Variants in ERICH6 observed in about 807,000 individuals in gnomAD.
The protein encoded by ERICH6 is glutamate rich 6.
ERICH6 carries 71 observed loss-of-function variants against 71.0 expected under a neutral mutation model. The observed-to-expected ratio is 1.00, with a 90% CI of 0.83 to 1.22. The LOEUF is 1.22. Ranked by LOEUF, ERICH6 falls within the 50% of genes most tolerant of loss-of-function variation. ERICH6 has a pLI of 0.00. For missense variants in ERICH6, 808 were observed against 797.2 expected (o/e 1.01, Z -0.16); for synonymous variants, 262 against 278.4 (o/e 0.94, Z 0.59).
At chr3:150,678,343 C>G in intron 10 of ERICH6, 66 bp downstream of exon 10, 1 of 1,464,750 alleles carries the variant, frequency 6.8e-7, no homozygotes, top group African/African-American at 1.4e-5. Context: ...TCATGAAAGA[C>G]TTTATAATTT....
Position 150,680,678 on chromosome 3 carries a change from A to C in ERICH6, c.1040+95T>G, listed in dbSNP as rs375815343. 84 of 1,555,746 alleles carry C rather than the reference A, an allele frequency of 5.4e-5. No individual in the cohort carries two copies. In the East Asian group the frequency reaches 1.8e-3, roughly 33 times the overall value. ...TTGTGAATCTAGGAAATACATCTTC[A>C]AAGTTATATATCTTGAAAAAATGAG... On this transcript the variant is annotated intron_variant, in intron 8 of 13. Coordinates refer to ENST00000295910, the MANE Select transcript of ERICH6 (RefSeq NM_152394.5).
chr3:150,675,906 G>C (rs1157744524), intron 10 of ERICH6, among the ~76,000 whole-genome samples: 1 of 130,320 alleles, frequency 7.7e-6, no homozygotes, highest in Non-Finnish European at 1.7e-5. Flanking sequence ...ACTATGATGT[G>C]TCTAGAATTT....
rs1301324535 is a variant in ERICH6 at position 150,660,019 on chromosome 3, C to T, written c.1865G>A (p.Trp622Ter). Residue 622 changes from tryptophan (W) to a stop codon, truncating the protein, a stop_gained, in exon 14 of 14, where the codon TGG (tryptophan) becomes TAG (stop). Transcript: ENST00000295910. LOFTEE classifies it low-confidence loss of function (END_TRUNC). ...GCVNFPSSQVWEKLKQPSYLS... is the reference protein window; with the variant it reads ...GCVNFPSSQV Reference sequence around the variant, plus strand: ...GTAGGAAGGTTGCTTTAATTTTTCCCAAACCTGGCTTGAGGGAAAATTCAC... The same window carrying T: ...GTAGGAAGGTTGCTTTAATTTTTCCTAAACCTGGCTTGAGGGAAAATTCAC... 1 of 1,614,054 alleles carries T rather than the reference C, an allele frequency of 6.2e-7. No individual in the cohort carries two copies. The highest frequency in any genetic ancestry group is 1.1e-5 in the South Asian group (1 of 91,072).
At chr3:150,666,617 ACCT>A (rs1727423420) in intron 13 of ERICH6, among the ~76,000 whole-genome samples, 167 bp downstream of exon 13, 1 of 152,230 alleles carries the variant, frequency 6.6e-6, no homozygotes, top group Admixed American at 6.5e-5. Context: ...CAGTAAAGCC[ACCT>A]CAATTCCATA....
chr3:150,678,664 A>G (rs1167540154), intron 9 of ERICH6, 110 bp from the exon 10 acceptor site: 2 of 811,586 alleles, frequency 2.5e-6, no homozygotes, highest in African/African-American at 3.7e-5. Context: ...TTCATAAGAC[A>G]TTTTTATATT....
At chr3:150,661,468 C>T (rs959472631) in intron 13 of ERICH6, among the ~76,000 whole-genome samples, 1 of 152,040 alleles carries the variant, frequency 6.6e-6, no homozygotes, top group African/African-American at 2.4e-5. Flanking sequence ...TGAGAATCAC[C>T]GAATATTTGA....
intron 1 of ERICH6, among the ~76,000 whole-genome samples, chr3:150,702,391 C>T (rs1445219983): frequency 6.6e-6 from 1 of 151,844 alleles, no homozygotes; most frequent in Non-Finnish European, 1.5e-5. Flanking sequence ...ATTCTCCTGC[C>T]TCAGCCTCCC....
intron 13 of ERICH6, among the ~76,000 whole-genome samples, chr3:150,664,133 C>A (rs1727317030): frequency 6.6e-6 from 1 of 151,842 alleles, no homozygotes; most frequent in South Asian, 2.1e-4. Context: ...GTCTTGGAAG[C>A]AAGGGAAGAA....
intron 3 of ERICH6, among the ~76,000 whole-genome samples, chr3:150,689,125 A>AC (rs1271047031): frequency 2.0e-5 from 3 of 151,822 alleles, no homozygotes; most frequent in Non-Finnish European, 2.9e-5. Context: ...GCTTGGAAGC[A>AC]CCCCCTCCAG....
At position 150,685,644 on chromosome 3, in the gene ERICH6, TTC is replaced by T. The variant is rs199695514; in HGVS notation, c.783+96_783+97del. ...TTGAGCTCTTTGGCTTTTTTTTTTT[TTC>T]CTTTTAGAGTATTTTCACTGTCTAT... On this transcript the variant is annotated intron_variant, in intron 6 of 13. Transcript: ENST00000295910. 5.1e-4 allele frequency: 534 copies of T among 1,051,930 alleles called. 1 individual carries two copies. Among genetic ancestry groups the T allele is most frequent in the African/African-American group, 5.1e-3 (302 of 59,574 alleles). The allele number at this position is 1,051,930 out of a possible 1,614,324, so 65.2% of individuals were successfully genotyped here.
rs758145213 is a variant in ERICH6, at chr3:150,685,815, G to A, written c.710C>T (p.Thr237Met). 19 of 1,613,938 alleles carry A rather than the reference G, an allele frequency of 1.2e-5. No homozygotes were observed. The highest frequency in any genetic ancestry group is 5.0e-5 in the Admixed American group (3 of 59,990). ...FITLFEPSLR[T>M]LPSIGPPSIL... is the part of the protein sequence containing the mutation. ...GGATGGTGGTCCGATGCTGGGTAAC[G>A]TTCTTAGAGAAGGCTCGAACAGTGT... The change falls in exon 6 of 14, where the codon ACG becomes ATG. Residue 237 changes from threonine (T) to methionine (M), a missense_variant. Thr to Met is a moderately conservative substitution (Grantham distance 81). Coordinates refer to ENST00000295910, the MANE Select transcript of ERICH6 (RefSeq NM_152394.5).
chr3:150,676,466 T>C (rs985526976), intron 10 of ERICH6, among the ~76,000 whole-genome samples: 1 of 152,160 alleles, frequency 6.6e-6, no homozygotes, highest in African/African-American at 2.4e-5. Context: ...AGATTTTTAG[T>C]TGTATTGTTA....
chr3:150,673,951 G>A lies in ERICH6; in HGVS notation c.1343+5C>T. 5.0e-6 allele frequency: 8 copies of A among 1,612,322 alleles called. No homozygotes were observed. The highest frequency in any genetic ancestry group is 4.5e-5 in the East Asian group (2 of 44,856). On this transcript the variant is annotated splice_donor_5th_base_variant and intron_variant, in intron 11 of 13. Transcript: ENST00000295910. Reference sequence around the variant, plus strand: ...TAATAAAAATAACTTGTTGAAAGAGGATACAATATTTGTGTTGTCCCATCT... The same window carrying A: ...TAATAAAAATAACTTGTTGAAAGAGAATACAATATTTGTGTTGTCCCATCT...
chr3:150,663,491 G>T (rs1034773842), intron 13 of ERICH6, among the ~76,000 whole-genome samples: 1 of 152,110 alleles, frequency 6.6e-6, no homozygotes, highest in African/African-American at 2.4e-5. Flanking sequence ...GTCTTGCTCT[G>T]TTGCCCAGGC....
intron 13 of ERICH6, among the ~76,000 whole-genome samples, chr3:150,664,367 G>A (rs943526687): frequency 3.9e-5 from 6 of 152,108 alleles, no homozygotes; most frequent in Non-Finnish European, 8.8e-5. Context: ...GTATAAAATA[G>A]GCTGGGCACG....
rs1401170178 is a variant in ERICH6, at chr3:150,674,950, T to C, written c.1258-909A>G. Among the ~76,000 whole-genome samples the C allele has an allele frequency of 3.9e-5, 6 of 152,080 alleles. No individual in the cohort carries two copies. In the South Asian group the frequency reaches 1.2e-3, roughly 31 times the overall value. On this transcript the variant is annotated intron_variant, in intron 10 of 13. Transcript: ENST00000295910. ...AAGTTCGAGACCAGCCTGGCCAACA[T>C]GGTGAAACCCTGTCTTCACTAAACA...
chr3:150,678,504 C>A lies in ERICH6; in HGVS notation c.1162G>T (p.Glu388Ter). 1 of 1,601,646 alleles carries A rather than the reference C, an allele frequency of 6.2e-7. No homozygotes were observed. The highest frequency in any genetic ancestry group is 8.5e-7 in the Non-Finnish European group (1 of 1,176,790). ...ISYQLSVDIPEKQIIDDIVFD... is the reference protein window; with the variant it reads ...ISYQLSVDIP The stretch of plus-strand genomic sequence containing the variant: ...ACAATGTCATCAATTATCTGTTTTT[C>A]TGGAATATCCACAGAAAGTTGATAA... The change falls in exon 10 of 14, where the codon GAA becomes TAA. Residue 388 changes from glutamate (E) to a stop codon, truncating the protein, a stop_gained. Coordinates refer to ENST00000295910, the MANE Select transcript of ERICH6 (RefSeq NM_152394.5). LOFTEE classifies it high-confidence loss of function.
chr3:150,678,584 A>G (rs963338304), intron 9 of ERICH6, 30 bp from the exon 10 acceptor site: 3 of 1,525,286 alleles, frequency 2.0e-6, no homozygotes, highest in Non-Finnish European at 2.6e-6. Flanking sequence ...ATAGAAATAC[A>G]TATATGTTTT....
chr3:150,693,611 T>C (rs1482187925), intron 3 of ERICH6, among the ~76,000 whole-genome samples: 1 of 149,098 alleles, frequency 6.7e-6, no homozygotes, highest in Non-Finnish European at 1.5e-5. Context: ...TAAAAGCCTA[T>C]GTAAAAATAA....
Sources: gnomAD v4.1 joint callset for allele counts (sites outside exome capture counted in the v4.1 genomes callset) on GRCh38, gnomAD v4.1.1 for gene constraint, MANE v1.5 for transcripts, NCBI Gene and HGNC (gene_info 2026-07-23, HGNC 2026-07-21) for gene names.